MIPOL1: variants seen among roughly 807,000 people sequenced by gnomAD.
MIPOL1 encodes the protein mirror-image polydactyly 1.
Under a neutral mutation model 60.9 loss-of-function variants are expected in MIPOL1, and 57 were observed. The observed-to-expected ratio is 0.94, with a 90% CI of 0.76 to 1.17. MIPOL1 has a LOEUF of 1.17. Ranked by LOEUF, MIPOL1 falls within the 50% of genes most tolerant of loss-of-function variation. The pLI is 0.00. For missense variants in MIPOL1, 551 were observed against 511.6 expected, an observed-to-expected ratio of 1.08 and a Z score of -0.74; for synonymous variants, 179 against 168.8, an observed-to-expected ratio of 1.06 and a Z score of -0.47.
intron 11 of MIPOL1, among the ~76,000 whole-genome samples, chr14:37,476,224 A>G (rs1331109087): frequency 2.6e-5 from 4 of 152,162 alleles, no homozygotes; most frequent in African/African-American, 9.7e-5. Context: ...CCTTAAAATA[A>G]TCTTATGTCC....
chr14:37,330,125 A>C (rs748073898), intron 9 of MIPOL1, among the ~76,000 whole-genome samples: 17 of 152,126 alleles, frequency 1.1e-4, no homozygotes, highest in Non-Finnish European at 2.9e-5. Flanking sequence ...TAATTTTATA[A>C]TTATCTTTAT....
intron 12 of MIPOL1, among the ~76,000 whole-genome samples, chr14:37,529,369 C>A (rs943094189): frequency 6.6e-6 from 1 of 152,132 alleles, no homozygotes; most frequent in Non-Finnish European, 1.5e-5. Context: ...GCATTTCATA[C>A]CTCCTTTGCC....
intron 11 of MIPOL1, among the ~76,000 whole-genome samples, chr14:37,452,770 A>T (rs193108929): frequency 1.3e-5 from 2 of 152,194 alleles, no homozygotes; most frequent in Non-Finnish European, 2.9e-5. Context: ...GTTGACGTAT[A>T]GTGTTTTCAG....
chr14:37,419,025 T>G (rs926420540), intron 10 of MIPOL1, among the ~76,000 whole-genome samples: 1 of 152,098 alleles, frequency 6.6e-6, no homozygotes, highest in African/African-American at 2.4e-5. Context: ...AAGTTATATT[T>G]CCACAAAAAT....
chr14:37,377,746 CT>C (rs370238755), intron 10 of MIPOL1, among the ~76,000 whole-genome samples: 12,046 of 120,808 alleles, frequency 0.1, 704 homozygotes, highest in East Asian at 0.32. Flanking sequence ...ATTTTTATGC[CT>C]TTTTTTTTTT....
intron 10 of MIPOL1, among the ~76,000 whole-genome samples, chr14:37,372,754 C>CAA (rs34884132): frequency 0.22 from 28,781 of 131,466 alleles, 3,583 homozygotes; most frequent in South Asian, 0.35. Context: ...GACTCCGTCT[C>CAA]AAAAAAAAAA....
intron 11 of MIPOL1, among the ~76,000 whole-genome samples, chr14:37,433,994 C>T (rs930441099): frequency 6.6e-6 from 1 of 152,140 alleles, no homozygotes; most frequent in Non-Finnish European, 1.5e-5. Context: ...AATAAACATA[C>T]GTGTGCATGT....
chr14:37,443,990 G>T (rs2094293167), intron 11 of MIPOL1, among the ~76,000 whole-genome samples: 1 of 151,988 alleles, frequency 6.6e-6, no homozygotes, highest in African/African-American at 2.4e-5. Flanking sequence ...AACATCAGGA[G>T]GAAATTTACA....
rs147972363 is a variant in MIPOL1 at position 37,520,696 on chromosome 14, T to C, written c.1262+20558T>C. Among the ~76,000 whole-genome samples the C allele has an allele frequency of 5.3e-4, 80 of 152,274 alleles. 1 individual carries two copies. Among genetic ancestry groups the C allele is most frequent in the Non-Finnish European group, 1.3e-4 (9 of 68,012 alleles). On this transcript the variant is annotated intron_variant, in intron 12 of 12. Transcript: ENST00000684589. ...AGATAAAGAAGTTAATTTACATTGA[T>C]TGTTTTATAACTTTTATTTAAAACA...
At chr14:37,372,359 C>G (rs2092663027) in intron 10 of MIPOL1, among the ~76,000 whole-genome samples, 1 of 151,798 alleles carries the variant, frequency 6.6e-6, no homozygotes, top group Non-Finnish European at 1.5e-5. Context: ...TTCTAATAAC[C>G]AGAGATCTTT....
intron 11 of MIPOL1, among the ~76,000 whole-genome samples, chr14:37,451,023 T>G (rs2094409306): frequency 6.6e-6 from 1 of 152,184 alleles, no homozygotes; most frequent in South Asian, 2.1e-4. Context: ...ACAACTGTAT[T>G]TATAAAGTTA....
intron 11 of MIPOL1, among the ~76,000 whole-genome samples, chr14:37,474,356 G>A (rs537213605): frequency 1.5e-4 from 23 of 152,238 alleles, no homozygotes; most frequent in South Asian, 1.0e-3. Flanking sequence ...TGTAGCTCCC[G>A]TAATCCCCAT....
At chr14:37,357,674 G>A (rs2091938854) in intron 9 of MIPOL1, among the ~76,000 whole-genome samples, 1 of 151,820 alleles carries the variant, frequency 6.6e-6, no homozygotes, top group Non-Finnish European at 1.5e-5. Flanking sequence ...CTTGTCAGAT[G>A]GATAGTTTGC....
At position 37,247,626 on chromosome 14, in the gene MIPOL1, A is replaced by G. The variant is rs568368534; in HGVS notation, c.-60-203A>G. On this transcript the variant is annotated intron_variant, in intron 2 of 12. Coordinates refer to ENST00000684589, the MANE Select transcript of MIPOL1 (RefSeq NM_001388067.1). The stretch of plus-strand genomic sequence containing the variant: ...AAAAAACTTAACCTGAACTGTATAT[A>G]CTAAAATACAAGTGTGAAGAAAAGA... Among the ~76,000 whole-genome samples, 3 of 152,266 alleles carry G rather than the reference A, an allele frequency of 2.0e-5. No homozygotes were observed. In the South Asian group the frequency reaches 6.2e-4, roughly 32 times the overall value.
chr14:37,229,761 G>T (rs1429618239), intron 1 of MIPOL1, among the ~76,000 whole-genome samples: 2 of 152,044 alleles, frequency 1.3e-5, no homozygotes, highest in East Asian at 3.9e-4. Flanking sequence ...CAAAAATGGG[G>T]TTTGACTCAA....
At chr14:37,232,188 A>G (rs776890538) in intron 1 of MIPOL1, among the ~76,000 whole-genome samples, 4 of 152,358 alleles carry the variant, frequency 2.6e-5, no homozygotes, top group Middle Eastern at 3.4e-3. Flanking sequence ...ATAGTATACA[A>G]TGTTATAAAG....
downstream of MIPOL1, chr14:37,551,498 A>C (rs2095561513): frequency 6.6e-6 from 1 of 152,158 alleles, no homozygotes. Context: ...ATAAAATTAT[A>C]GTAATAAAAT....
chr14:37,356,457 T>C (rs1214256433), intron 9 of MIPOL1, among the ~76,000 whole-genome samples: 1 of 152,180 alleles, frequency 6.6e-6, no homozygotes, highest in African/African-American at 2.4e-5. Flanking sequence ...TCCAGGCTGC[T>C]TTGTTTCCCT....
chr14:37,518,333 A>G (rs2095386514), intron 12 of MIPOL1, among the ~76,000 whole-genome samples: 1 of 152,216 alleles, frequency 6.6e-6, no homozygotes, highest in Admixed American at 6.5e-5. Context: ...ATATCAAAGT[A>G]AATCTCATGA....
Sources: allele counts gnomAD v4.1 joint callset (sites outside exome capture counted in the v4.1 genomes callset), GRCh38; gene constraint gnomAD v4.1.1; transcripts MANE v1.5; gene names NCBI Gene and HGNC (gene_info 2026-07-23, HGNC 2026-07-21).